ZFHX3: variants seen among roughly 807,000 people sequenced by gnomAD.
ZFHX3 encodes zinc finger homeobox protein 3.
A neutral mutation model predicts 279.1 loss-of-function variants in ZFHX3; 42 were observed. The ratio of observed to expected loss-of-function variants is 0.15; its 90% confidence interval spans 0.12 to 0.19. The LOEUF (loss-of-function observed/expected upper bound fraction) is 0.19. Ranked by LOEUF, ZFHX3 falls within the 10% of genes least tolerant of loss-of-function variation. The pLI is 1.00. For synonymous variants in ZFHX3, 2,293 were observed against 1,957.8 expected (o/e 1.17, Z -4.52); for missense variants, 4,981 against 4,754.0 (o/e 1.05, Z -1.40).
chr16:73,673,253 C>T (rs1870484340), intron 2 of ZFHX3, among the ~76,000 whole-genome samples: 1 of 152,068 alleles, frequency 6.6e-6, no homozygotes, highest in South Asian at 2.1e-4. Context: ...GGGTAGAGGC[C>T]ACTGTCCCGC....
At chr16:73,366,308 G>T (rs1383877429) in intron 3 of ZFHX3, among the ~76,000 whole-genome samples, 1 of 152,212 alleles carries the variant, frequency 6.6e-6, no homozygotes, top group African/African-American at 2.4e-5. Flanking sequence ...GCTATTAATA[G>T]AGATCATTAT....
upstream of ZFHX3, among the ~76,000 whole-genome samples, chr16:73,052,086 A>G (rs1345253724): frequency 6.6e-6 from 1 of 152,098 alleles, no homozygotes; most frequent in Admixed American, 6.5e-5. Flanking sequence ...ACATCCCTTT[A>G]CAGTCGGTCT....
chr16:73,147,858 C>G lies in ZFHX3; in HGVS notation c.-1103-4027G>C, dbSNP rs551824372. Among the ~76,000 whole-genome samples, 25 of 152,168 alleles carry G rather than the reference C, an allele frequency of 1.6e-4. No homozygotes were observed. The East Asian group carries it at 3.7e-3, about 22-fold the overall frequency. ...CTGCACTCCAGCCTCGGTGACAGAGCGAGATCCTCTCCCAAAAACAAAAAT... is the reference window on the plus strand; with the variant it reads ...CTGCACTCCAGCCTCGGTGACAGAGGGAGATCCTCTCCCAAAAACAAAAAT... On this transcript the variant is annotated intron_variant, in intron 5 of 17. Transcript: ENST00000641206.
At chr16:73,745,092 C>A (rs2053691627) in intron 1 of ZFHX3, among the ~76,000 whole-genome samples, 1 of 152,130 alleles carries the variant, frequency 6.6e-6, no homozygotes. Flanking sequence ...TCCAAAAAAG[C>A]AATAATGTCC....
At chr16:72,889,546 A>G (rs376172793) in intron 4 of ZFHX3, among the ~76,000 whole-genome samples, 185 bp downstream of exon 4, 16 of 152,114 alleles carry the variant, frequency 1.1e-4, no homozygotes, top group Non-Finnish European at 1.8e-4. Context: ...AAAAGACAGA[A>G]AGGCGGGCAG....
At chr16:73,864,615 A>G (rs1160987982) in intron 1 of ZFHX3, among the ~76,000 whole-genome samples, 1 of 152,128 alleles carries the variant, frequency 6.6e-6, no homozygotes, top group Non-Finnish European at 1.5e-5. Context: ...GCTACTTGGG[A>G]GGTTGAGGCA....
At chr16:72,999,359 G>C (rs1469542437) in intron 1 of ZFHX3, among the ~76,000 whole-genome samples, 8 of 152,182 alleles carry the variant, frequency 5.3e-5, no homozygotes, top group Admixed American at 1.3e-4. Context: ...GGTTTCGCAT[G>C]TTGGCCAGGC....
At chr16:73,025,990 G>A (rs1313432810) in intron 1 of ZFHX3, among the ~76,000 whole-genome samples, 1 of 151,906 alleles carries the variant, frequency 6.6e-6, no homozygotes, top group Non-Finnish European at 1.5e-5. Flanking sequence ...AACCTCTCAC[G>A]CCAGATTCGA....
chr16:73,558,436 GCTTTGC>G (rs2020319121), intron 2 of ZFHX3: 2 of 152,206 alleles, frequency 1.3e-5, no homozygotes, highest in African/African-American at 2.4e-5. Context: ...GGAGGGCAAT[GCTTTGC>G]CTTATCAAAT....
At chr16:73,217,137 T>C (rs893291755) in intron 5 of ZFHX3, among the ~76,000 whole-genome samples, 1 of 152,200 alleles carries the variant, frequency 6.6e-6, no homozygotes, top group African/African-American at 2.4e-5. Context: ...CTGTGACTGT[T>C]ACAGATGAGT....
At chr16:73,818,946 C>T (rs1213005068) in intron 1 of ZFHX3, among the ~76,000 whole-genome samples, 1 of 152,134 alleles carries the variant, frequency 6.6e-6, no homozygotes, top group East Asian at 1.9e-4. Context: ...TGCATCTGAA[C>T]TATGCAAGGA....
At chr16:73,506,644 C>T (rs913901521) in intron 2 of ZFHX3, among the ~76,000 whole-genome samples, 4 of 152,146 alleles carry the variant, frequency 2.6e-5, no homozygotes, top group South Asian at 2.1e-4. Flanking sequence ...TAAGCCTTCA[C>T]CACATGTAGC....
At chr16:73,218,003 C>T (rs537644432) in intron 5 of ZFHX3, among the ~76,000 whole-genome samples, 1 of 152,204 alleles carries the variant, frequency 6.6e-6, no homozygotes, top group African/African-American at 2.4e-5. Context: ...AGTATAGAAG[C>T]TCTGGTGTCT....
intron 2 of ZFHX3, among the ~76,000 whole-genome samples, chr16:73,484,228 C>T (rs1442995299): frequency 6.6e-6 from 1 of 152,040 alleles, no homozygotes; most frequent in Non-Finnish European, 1.5e-5. Context: ...GCATCTTCTC[C>T]GTATTGTAAG....
At chr16:73,149,112 TA>T (rs1262578182) in intron 5 of ZFHX3, among the ~76,000 whole-genome samples, 1 of 148,716 alleles carries the variant, frequency 6.7e-6, no homozygotes, top group Non-Finnish European at 1.5e-5. Flanking sequence ...TTATTGTTGA[TA>T]TTTTATATAA....
chr16:73,251,371 G>T (rs1236687626), intron 5 of ZFHX3, among the ~76,000 whole-genome samples: 2 of 152,160 alleles, frequency 1.3e-5, no homozygotes, highest in African/African-American at 2.4e-5. Context: ...TGACAACAGC[G>T]AGCACGGAGC....
chr16:73,641,505 G>A (rs974858721), intron 2 of ZFHX3, among the ~76,000 whole-genome samples: 1 of 152,126 alleles, frequency 6.6e-6, no homozygotes, highest in Non-Finnish European at 1.5e-5. Context: ...GAGAAAATTA[G>A]GCAGGCGAAA....
At chr16:73,662,431 C>T (rs1451129160) in intron 2 of ZFHX3, among the ~76,000 whole-genome samples, 3 of 152,066 alleles carry the variant, frequency 2.0e-5, no homozygotes, top group Non-Finnish European at 2.9e-5. Flanking sequence ...GACACATGCA[C>T]GTATATACAT....
intron 2 of ZFHX3, among the ~76,000 whole-genome samples, chr16:73,662,473 C>T (rs986567177): frequency 7.7e-5 from 9 of 116,930 alleles, no homozygotes; most frequent in Admixed American, 6.3e-4. Flanking sequence ...AAAACACTTT[C>T]GATTTTTCTT....
Sources: gnomAD v4.1 joint callset for allele counts (sites outside exome capture counted in the v4.1 genomes callset) on GRCh38, gnomAD v4.1.1 for gene constraint, MANE v1.5 for transcripts, NCBI Gene and HGNC (gene_info 2026-07-23, HGNC 2026-07-21) for gene names.